WDFY3: variants seen among roughly 807,000 people sequenced by gnomAD.
The protein encoded by WDFY3 is WD repeat and FYVE domain-containing protein 3.
WDFY3 carries 66 observed loss-of-function variants against 409.6 expected under a neutral mutation model. The observed-to-expected ratio is 0.16, with a 90% confidence interval of 0.13 to 0.20. The LOEUF is 0.20. Ranked by LOEUF, WDFY3 falls within the 10% of genes least tolerant of loss-of-function variation. The pLI, the probability that WDFY3 is intolerant of heterozygous loss-of-function variation, is 1.00. For synonymous variants in WDFY3, 1,521 were observed against 1,537.1 expected (o/e 0.99, Z 0.25); for missense variants, 3,031 against 4,298.1 (o/e 0.71, Z 8.24).
At chr4:84,801,060 G>A (rs1274888730) in intron 17 of WDFY3, among the ~76,000 whole-genome samples, 1 of 152,172 alleles carries the variant, frequency 6.6e-6, no homozygotes, top group East Asian at 1.9e-4. Context: ...GGGGTTAGGG[G>A]AGTGGGTATG....
intron 25 of WDFY3, 116 bp downstream of exon 25, chr4:84,782,847 C>CTA (rs756159570): frequency 2.3e-4 from 186 of 812,430 alleles, no homozygotes; most frequent in Middle Eastern, 9.4e-4. Flanking sequence ...TGCACGTACA[C>CTA]TATAGGTCAG....
chr4:84,679,841 T>TATATATACAC (rs1235574031), intron 64 of WDFY3, among the ~76,000 whole-genome samples: 6 of 141,260 alleles, frequency 4.2e-5, no homozygotes, highest in African/African-American at 1.6e-4. Context: ...TATATATATA[T>TATATATACAC]ACACACACAC....
In WDFY3 at chr4:84,841,270, A is replaced by G. The variant is rs1757314597; in HGVS notation, c.305-7T>C. 4 of 1,608,140 alleles carry G rather than the reference A, an allele frequency of 2.5e-6. No individual in the cohort carries two copies. The African/African-American group carries it at 5.4e-5, about 22-fold the overall frequency. Reference sequence around the variant, plus strand: ...ATGGCCCGACTTGCAGCCTCTATAAAACCAAAGGGAAAGCCATTAAGTGGG... The same window carrying G: ...ATGGCCCGACTTGCAGCCTCTATAAGACCAAAGGGAAAGCCATTAAGTGGG... On this transcript the variant is annotated splice_region_variant and splice_polypyrimidine_tract_variant and intron_variant, in intron 5 of 67. Transcript: ENST00000295888.
intron 4 of WDFY3, among the ~76,000 whole-genome samples, chr4:84,851,319 ATATTATTAT>A (rs1241569302): frequency 6.6e-6 from 1 of 152,148 alleles, no homozygotes; most frequent in Non-Finnish European, 1.5e-5. Context: ...ACAGTAATTT[ATATTATTAT>A]TACCTATTGA....
rs1456107080 is a variant in WDFY3, at chr4:84,815,218, G to A, written c.1887+2174C>T. Among the ~76,000 whole-genome samples the A allele has an allele frequency of 2.0e-5, 3 of 152,130 alleles. No homozygotes were observed. In the East Asian group the frequency reaches 5.8e-4, roughly 29 times the overall value. ...CTGGTTTGTCTGTTATTATTTTAAT[G>A]TCATTTTAGACTTGAAGAAAAACTG... On this transcript the variant is annotated intron_variant, in intron 13 of 67. Coordinates refer to ENST00000295888, the MANE Select transcript of WDFY3 (RefSeq NM_014991.6).
intron 67 of WDFY3, among the ~76,000 whole-genome samples, chr4:84,674,769 G>A (rs555748761): frequency 5.9e-5 from 9 of 151,516 alleles, no homozygotes; most frequent in African/African-American, 2.2e-4. Flanking sequence ...TCAGGAAGCT[G>A]AGGTAGAAGA....
chr4:84,695,897 G>A lies in WDFY3; in HGVS notation c.8901+73C>T, dbSNP rs1183496288. The A allele has an allele frequency of 5.9e-6, 8 of 1,352,080 alleles. No homozygotes were observed. The African/African-American group carries it at 1.2e-4, about 20-fold the overall frequency. The allele number at this position is 1,352,080 out of a possible 1,614,324, so 83.8% of individuals were successfully genotyped here. A position where few individuals can be genotyped will look rare whatever the true frequency, so the allele number is the denominator to read the frequency against. ...GTTAATCTAAACTTAATTATTTTGT[G>A]GTAATCTACAATCTAGAGAAATGTT... On this transcript the variant is annotated intron_variant, in intron 58 of 67. Transcript: ENST00000295888.
chr4:84,943,127 C>G (rs1206246077), intron 1 of WDFY3, among the ~76,000 whole-genome samples: 1 of 152,218 alleles, frequency 6.6e-6, no homozygotes, highest in East Asian at 1.9e-4. Flanking sequence ...TGACCCACTT[C>G]CACTTAATGA....
chr4:84,921,695 T>C (rs1186299512), intron 2 of WDFY3, among the ~76,000 whole-genome samples: 3 of 139,554 alleles, frequency 2.1e-5, no homozygotes, highest in Non-Finnish European at 4.6e-5. Context: ...TCTCACTCTG[T>C]CGCCCAGGCT....
chr4:84,943,007 T>C (rs576609396), intron 1 of WDFY3, among the ~76,000 whole-genome samples: 68 of 152,344 alleles, frequency 4.5e-4, no homozygotes, highest in Non-Finnish European at 9.0e-4. Flanking sequence ...TCCAATTATA[T>C]GTGGATTTTC....
chr4:84,702,284 A>C (rs1050916373), intron 56 of WDFY3, 69 bp downstream of exon 56: 5 of 1,460,472 alleles, frequency 3.4e-6, no homozygotes, highest in Non-Finnish European at 2.7e-6. Flanking sequence ...CAATCTTCAG[A>C]GAAGTGACTT....
intron 1 of WDFY3, among the ~76,000 whole-genome samples, chr4:84,936,316 T>A (rs1235032914): frequency 6.6e-6 from 1 of 152,056 alleles, no homozygotes; most frequent in Non-Finnish European, 1.5e-5. Flanking sequence ...AGAACAGCAG[T>A]TTGATACCAC....
chr4:84,805,206 A>C (rs936204354), intron 15 of WDFY3, among the ~76,000 whole-genome samples: 1 of 152,198 alleles, frequency 6.6e-6, no homozygotes, highest in Non-Finnish European at 1.5e-5. Flanking sequence ...TACTCAAGAT[A>C]TCTCATTATA....
At chr4:84,832,722 T>C (rs916269619) in intron 7 of WDFY3, among the ~76,000 whole-genome samples, 4 of 152,174 alleles carry the variant, frequency 2.6e-5, no homozygotes, top group Non-Finnish European at 5.9e-5. Flanking sequence ...GTCCTACTTA[T>C]ATCACCTGAT....
chr4:84,805,144 T>C (rs1751304806), intron 15 of WDFY3, among the ~76,000 whole-genome samples: 1 of 152,184 alleles, frequency 6.6e-6, no homozygotes, highest in South Asian at 2.1e-4. Context: ...TGGCTACTTG[T>C]ATAAGATGTA....
intron 6 of WDFY3, among the ~76,000 whole-genome samples, chr4:84,838,807 T>C (rs1383877971): frequency 6.6e-6 from 1 of 152,124 alleles, no homozygotes; most frequent in African/African-American, 2.4e-5. Flanking sequence ...TCATCTTTCC[T>C]TCTACCCTCA....
rs748840857 is a variant in WDFY3, at chr4:84,801,710, G to A, written c.2762C>T (p.Pro921Leu). The A allele has an allele frequency of 2.2e-5, 36 of 1,612,480 alleles. No individual in the cohort carries two copies. Among genetic ancestry groups the A allele is most frequent in the African/African-American group, 2.7e-5 (2 of 74,898 alleles). The part of the protein sequence containing the change: ...ALADEDHSLH[P>L]PLQRMFERLA... ...TCGTTCAAACATCCGCTGCAGGGGC[G>A]GGTGCAGTGAGTGGTCCTCATCAGC... Residue 921 changes from proline to leucine, a missense_variant, in exon 17 of 68, where the codon CCG becomes CTG. Physicochemically the swap from Pro to Leu is moderately conservative, Grantham distance 98 (BLOSUM62 -3). Coordinates refer to ENST00000295888, the MANE Select transcript of WDFY3 (RefSeq NM_014991.6).
At chr4:84,947,871 G>T (rs1421563625) in intron 1 of WDFY3, among the ~76,000 whole-genome samples, 1 of 151,990 alleles carries the variant, frequency 6.6e-6, no homozygotes, top group African/African-American at 2.4e-5. Flanking sequence ...AGATGAAAGA[G>T]TGAGACCCTG....
At position 84,817,426 on chromosome 4, in the gene WDFY3, G is replaced by A. The variant is rs769056903; in HGVS notation, c.1853C>T (p.Pro618Leu). 45 of 1,613,422 alleles carry A rather than the reference G, an allele frequency of 2.8e-5. No homozygotes were observed. The highest frequency in any genetic ancestry group is 3.3e-4 in the Middle Eastern group (2 of 6,072). Residue 618 changes from proline (P) to leucine (L), a missense_variant, in exon 13 of 68, where the codon CCG becomes CTG. Pro to Leu is a moderately conservative substitution (Grantham distance 98, BLOSUM62 -3). Coordinates refer to ENST00000295888, the MANE Select transcript of WDFY3 (RefSeq NM_014991.6). Reference protein sequence around the residue: ...TLLGLMHSAPPTELQLKTDIL... With the variant: ...TLLGLMHSAPLTELQLKTDIL... ...ATCAGTCTTCAACTGCAATTCCGTC[G>A]GTGGGGCTGAATGCATTAGCCCCAG...
Sources: allele counts gnomAD v4.1 joint callset (sites outside exome capture counted in the v4.1 genomes callset), GRCh38; gene constraint gnomAD v4.1.1; transcripts MANE v1.5; gene names NCBI Gene and HGNC (gene_info 2026-07-23, HGNC 2026-07-21).